The following RHOD variants were observed in gnomAD, a reference collection of about 807,000 sequenced individuals.
RHOD encodes the protein rho-related GTP-binding protein RhoD.
A neutral mutation model predicts 16.7 loss-of-function variants in RHOD; 11 were observed. That is an observed-to-expected ratio of 0.66 (90% CI 0.41 to 1.09). RHOD has a LOEUF of 1.09. Among genes scored for constraint, RHOD ranks in the 50% least tolerant of loss-of-function variants. The pLI is 0.00. For missense variants in RHOD, 271 were observed against 291.7 expected, an observed-to-expected ratio of 0.93 and a Z score of 0.52; for synonymous variants, 124 against 126.3, an observed-to-expected ratio of 0.98 and a Z score of 0.12.
intron 1 of RHOD, among the ~76,000 whole-genome samples, chr11:67,060,156 C>G (rs1170208807): frequency 6.6e-6 from 1 of 152,226 alleles, no homozygotes; most frequent in Non-Finnish European, 1.5e-5. Context: ...GCCCTGCTGG[C>G]TAGAGCCCCC....
intron 4 of RHOD, 42 bp downstream of exon 4, chr11:67,070,601 T>C (rs1364245173): frequency 1.2e-6 from 2 of 1,610,764 alleles, no homozygotes; most frequent in Non-Finnish European, 8.5e-7. Flanking sequence ...GAGGACTGAG[T>C]GAGGGGACCT....
In RHOD at chr11:67,066,848, G is replaced by T; in HGVS notation, c.330+1G>T. On this transcript the variant is annotated splice_donor_variant, in intron 3 of 4. Coordinates refer to ENST00000308831, the MANE Select transcript of RHOD (RefSeq NM_014578.4). LOFTEE classifies it high-confidence loss of function. ...CAGCTTTGACAACATCTTTAACCGGGTAGGTACTGGGGGGCAGGGAGGCAT... is the reference window on the plus strand; with the variant it reads ...CAGCTTTGACAACATCTTTAACCGGTTAGGTACTGGGGGGCAGGGAGGCAT... 7 of 1,603,212 alleles carry T rather than the reference G, an allele frequency of 4.4e-6. No individual in the cohort carries two copies. Among genetic ancestry groups the T allele is most frequent in the African/African-American group, 1.3e-5 (1 of 74,836 alleles).
intron 3 of RHOD, 33 bp from the exon 4 acceptor site, chr11:67,070,392 A>T (rs1049680817): frequency 6.2e-7 from 1 of 1,609,134 alleles, no homozygotes; most frequent in Non-Finnish European, 8.5e-7. Context: ...GGGCTCACAC[A>T]TGCCCCCCAC....
Position 67,063,558 on chromosome 11 carries a change from G to A in RHOD, c.133-2338G>A, listed in dbSNP as rs1441052310. ...CATGCCTGTAATCCCAGCACTTTGG[G>A]AGGCCGAGGCAGGTGGATCACTTGA... is the stretch of plus-strand genomic sequence containing the variant. On this transcript the variant is annotated intron_variant, in intron 1 of 4. Transcript: ENST00000308831. Among the ~76,000 whole-genome samples the A allele has an allele frequency of 2.7e-5, 4 of 150,700 alleles. 1 individual carries two copies. Among genetic ancestry groups the A allele is most frequent in the African/African-American group, 7.3e-5 (3 of 40,860 alleles).
chr11:67,069,540 G>A (rs1307589788), intron 3 of RHOD, among the ~76,000 whole-genome samples: 2 of 151,494 alleles, frequency 1.3e-5, no homozygotes, highest in African/African-American at 4.9e-5. Flanking sequence ...TGTATTTTTA[G>A]TAGAGACGGG....
intron 1 of RHOD, among the ~76,000 whole-genome samples, chr11:67,061,753 A>ATAT (rs1555071094): frequency 0.012 from 1,493 of 126,168 alleles, 18 homozygotes; most frequent in Middle Eastern, 0.017. Flanking sequence ...AAAAAAAAAA[A>ATAT]AAATATATAT....
intron 1 of RHOD, among the ~76,000 whole-genome samples, chr11:67,061,786 GTGTGTATATATATATA>G (rs1478100010): frequency 2.1e-5 from 3 of 144,750 alleles, no homozygotes; most frequent in African/African-American, 7.7e-5. Context: ...GTGTGTGTGT[GTGTGTATATATATATA>G]TGTGTGTGTA....
chr11:67,064,263 G>A (rs1385359909), intron 1 of RHOD, among the ~76,000 whole-genome samples: 7 of 151,294 alleles, frequency 4.6e-5, no homozygotes, highest in Admixed American at 1.3e-4. Context: ...AAAATTAGCC[G>A]GGCGTGGTGG....
intron 1 of RHOD, among the ~76,000 whole-genome samples, chr11:67,064,550 G>A (rs929937902): frequency 6.6e-6 from 1 of 152,126 alleles, no homozygotes; most frequent in African/African-American, 2.4e-5. Context: ...GAGGTTGAGA[G>A]GCAAAGGAGG....
Position 67,066,805 on chromosome 11 carries a change from C to T in RHOD, c.288C>T (p.Phe96=), listed in dbSNP as rs367865723. 6.8e-6 allele frequency: 11 copies of T among 1,613,888 alleles called. No homozygotes were observed. The highest frequency in any genetic ancestry group is 4.0e-5 in the African/African-American group (3 of 74,932). Residue 96 remains phenylalanine, a synonymous_variant, in exon 3 of 5, where the codon TTC becomes TTT. Coordinates refer to ENST00000308831, the MANE Select transcript of RHOD (RefSeq NM_014578.4). ...ACGCCAGCGTCCTGCTGCTTTGCTTCGATGTCACCAGCCCGAACAGCTTTG... is the reference window on the plus strand; with the variant it reads ...ACGCCAGCGTCCTGCTGCTTTGCTTTGATGTCACCAGCCCGAACAGCTTTG... The part of the protein sequence containing the change: ...YPDASVLLLC[F]DVTSPNSFDN...
chr11:67,065,981 C>T lies in RHOD; in HGVS notation c.218C>T (p.Ala73Val). Residue 73 changes from alanine to valine, a missense_variant and splice_region_variant, in exon 2 of 5, where the codon GCA becomes GTA. Coordinates refer to ENST00000308831, the MANE Select transcript of RHOD (RefSeq NM_014578.4). ...GTGCACCTCCACATCTGGGACACAG[C>T]AGGTGGGTGTGCAGGGGTGGGGCAG... ...KPVHLHIWDT[A>V]GQDDYDRLRP... 2.2e-6 allele frequency: 3 copies of T among 1,355,268 alleles called. No homozygotes were observed. Among genetic ancestry groups the T allele is most frequent in the Middle Eastern group, 1.9e-4 (1 of 5,300 alleles). 84.0% of individuals were successfully genotyped at this position (1,355,268 alleles called of 1,614,324 possible).
intron 1 of RHOD, among the ~76,000 whole-genome samples, chr11:67,057,864 G>T (rs148474967): frequency 1.6e-4 from 25 of 152,240 alleles, no homozygotes; most frequent in Non-Finnish European, 2.9e-4. Flanking sequence ...CATGCCCACC[G>T]TTAATCCTTC....
At chr11:67,063,016 G>A (rs1854910755) in intron 1 of RHOD, among the ~76,000 whole-genome samples, 1 of 152,220 alleles carries the variant, frequency 6.6e-6, no homozygotes, top group Non-Finnish European at 1.5e-5. Flanking sequence ...GTGAGCTCAG[G>A]CTGGGCAGGG....
intron 2 of RHOD, 22 bp downstream of exon 2, chr11:67,066,005 AGGGT>A: frequency 3.4e-6 from 2 of 593,608 alleles, no homozygotes; most frequent in Non-Finnish European, 6.5e-6. Context: ...GGGGTGGGGC[AGGGT>A]GGGAGGGGCT....
At chr11:67,069,220 G>T (rs1170007211) in intron 3 of RHOD, among the ~76,000 whole-genome samples, 8 of 152,160 alleles carry the variant, frequency 5.3e-5, no homozygotes, top group Admixed American at 5.2e-4. Flanking sequence ...GCCCCCTCCC[G>T]GGATCCCCGG....
intron 3 of RHOD, 144 bp from the exon 4 acceptor site, chr11:67,070,281 C>G: frequency 2.3e-6 from 2 of 862,928 alleles, no homozygotes; most frequent in Non-Finnish European, 3.8e-6. Context: ...GGTTCTGGTA[C>G]CAAATAGTTT....
intron 2 of RHOD, among the ~76,000 whole-genome samples, chr11:67,066,492 C>T (rs1207930378): frequency 6.6e-6 from 1 of 152,276 alleles, no homozygotes; most frequent in Non-Finnish European, 1.5e-5. Flanking sequence ...CCAGGCGGTG[C>T]CAGGCCTGGC....
rs1202216880 is a variant in RHOD, at chr11:67,061,758, AT to A, written c.133-4137del. 1.8e-3 allele frequency among the ~76,000 whole-genome samples: 218 copies of A among 121,080 alleles called. 2 individuals carry two copies. Among genetic ancestry groups the A allele is most frequent in the Non-Finnish European group, 2.3e-3 (129 of 55,226 alleles). The allele number at this position is 121,080 out of a possible 152,430, so 79.4% of individuals were successfully genotyped here. A position where few individuals can be genotyped will look rare whatever the true frequency, so the allele number is the denominator to read the frequency against. On this transcript the variant is annotated intron_variant, in intron 1 of 4. Coordinates refer to ENST00000308831, the MANE Select transcript of RHOD (RefSeq NM_014578.4). ...CCTCTCTAAAAAAAAAAAAAAAAAT[AT>A]ATATATATATATATATGTGTGTGTG...
At chr11:67,060,539 C>T (rs1590668394) in intron 1 of RHOD, among the ~76,000 whole-genome samples, 1 of 152,292 alleles carries the variant, frequency 6.6e-6, no homozygotes, top group East Asian at 1.9e-4. Flanking sequence ...TTTCTGTCTC[C>T]GGGAACTGGA....
Sources: gnomAD v4.1 joint callset for allele counts (sites outside exome capture counted in the v4.1 genomes callset) on GRCh38, gnomAD v4.1.1 for gene constraint, MANE v1.5 for transcripts, NCBI Gene and HGNC (gene_info 2026-07-23, HGNC 2026-07-21) for gene names.